The following ROBO2 variants were observed in gnomAD, a reference collection of about 807,000 sequenced individuals.
ROBO2 encodes the protein roundabout homolog 2.
Under a neutral mutation model 160.8 loss-of-function variants are expected in ROBO2, and 53 were observed. That is an observed-to-expected ratio of 0.33 (90% CI 0.26 to 0.41). The LOEUF is 0.41. Ranked by LOEUF, ROBO2 falls within the 10% of genes least tolerant of loss-of-function variation. ROBO2 has a pLI of 1.00. For missense variants in ROBO2, 1,577 were observed against 1,722.4 expected, an observed-to-expected ratio of 0.92 and a Z score of 1.49; for synonymous variants, 664 against 611.7, an observed-to-expected ratio of 1.09 and a Z score of -1.26.
intron 2 of ROBO2, among the ~76,000 whole-genome samples, chr3:76,396,536 C>T (rs1233330351): frequency 6.6e-6 from 1 of 151,992 alleles, no homozygotes; most frequent in Non-Finnish European, 1.5e-5. Flanking sequence ...TCAAATTGTC[C>T]CTGTTTGCAG....
intron 2 of ROBO2, among the ~76,000 whole-genome samples, chr3:76,170,102 T>C (rs901070991): frequency 5.9e-5 from 9 of 152,082 alleles, no homozygotes; most frequent in Non-Finnish European, 1.2e-4. Context: ...TTTTAAAAAA[T>C]TTTTTACTCA....
At chr3:76,834,424 G>A (rs2067484063) in intron 2 of ROBO2, among the ~76,000 whole-genome samples, 1 of 151,900 alleles carries the variant, frequency 6.6e-6, no homozygotes, top group African/African-American at 2.4e-5. Context: ...GAGTGCAGGG[G>A]CACCATCTTG....
intron 2 of ROBO2, among the ~76,000 whole-genome samples, chr3:76,258,985 A>C (rs191906740): frequency 6.6e-5 from 10 of 152,196 alleles, no homozygotes; most frequent in African/African-American, 2.2e-4. Flanking sequence ...GTTATCATTT[A>C]GTTAAAAAGA....
At chr3:76,871,565 A>G (rs1031524168) in intron 2 of ROBO2, among the ~76,000 whole-genome samples, 7 of 151,916 alleles carry the variant, frequency 4.6e-5, no homozygotes, top group African/African-American at 7.3e-5. Context: ...AAAAAAGAAA[A>G]AAAAAGAAAA....
intron 2 of ROBO2, among the ~76,000 whole-genome samples, chr3:76,857,476 TC>T (rs1190818400): frequency 2.0e-5 from 3 of 152,202 alleles, no homozygotes; most frequent in African/African-American, 7.2e-5. Context: ...ATTATTGAAC[TC>T]AATGCATTTA....
intron 2 of ROBO2, among the ~76,000 whole-genome samples, chr3:76,936,282 C>T (rs1322430430): frequency 6.6e-6 from 1 of 151,736 alleles, no homozygotes; most frequent in African/African-American, 2.4e-5. Flanking sequence ...AGTAGCTTTC[C>T]AATAATGTGA....
At chr3:77,552,459 T>A (rs1488751939) in intron 8 of ROBO2, among the ~76,000 whole-genome samples, 1 of 152,008 alleles carries the variant, frequency 6.6e-6, no homozygotes, top group Non-Finnish European at 1.5e-5. Context: ...CAGGTGGATA[T>A]TCAGAATTAC....
intron 2 of ROBO2, among the ~76,000 whole-genome samples, chr3:76,246,457 C>G (rs1705627070): frequency 6.6e-6 from 1 of 152,116 alleles, no homozygotes; most frequent in East Asian, 1.9e-4. Flanking sequence ...ATTAGTTACT[C>G]AGCATTTTCT....
At chr3:75,917,202 C>A (rs535033675) in intron 1 of ROBO2, among the ~76,000 whole-genome samples, 119 of 152,194 alleles carry the variant, frequency 7.8e-4, no homozygotes, top group African/African-American at 2.5e-3. Context: ...CCCCACCCAC[C>A]GACAGGCCCC....
At chr3:76,493,632 G>A (rs550900242) in intron 2 of ROBO2, among the ~76,000 whole-genome samples, 66 of 151,934 alleles carry the variant, frequency 4.3e-4, no homozygotes, top group Non-Finnish European at 8.1e-4. Context: ...GAAGCCTTCA[G>A]TTTTTCTTGA....
At chr3:76,964,640 T>A (rs1308954088) in intron 2 of ROBO2, among the ~76,000 whole-genome samples, 2 of 152,210 alleles carry the variant, frequency 1.3e-5, no homozygotes, top group Admixed American at 1.3e-4. Context: ...TTGCCTAAGT[T>A]GTTAGCGAAG....
At chr3:76,006,455 A>T (rs142070796) in intron 2 of ROBO2, among the ~76,000 whole-genome samples, 1 of 152,258 alleles carries the variant, frequency 6.6e-6, no homozygotes, top group East Asian at 1.9e-4. Flanking sequence ...GTGTGATGAG[A>T]TCAGCATTCG....
intron 2 of ROBO2, among the ~76,000 whole-genome samples, chr3:76,181,491 A>G (rs1701500782): frequency 6.6e-6 from 1 of 152,132 alleles, no homozygotes; most frequent in Admixed American, 6.6e-5. Context: ...ACTGACTTCC[A>G]TGCTTTAAAA....
intron 2 of ROBO2, among the ~76,000 whole-genome samples, chr3:76,591,336 G>A (rs984270977): frequency 2.6e-5 from 4 of 152,050 alleles, no homozygotes; most frequent in Non-Finnish European, 5.9e-5. Context: ...GGAAAGATTG[G>A]TCTTGCTCTC....
chr3:76,600,073 T>G (rs1052668498), intron 2 of ROBO2, among the ~76,000 whole-genome samples: 1 of 152,244 alleles, frequency 6.6e-6, no homozygotes, highest in African/African-American at 2.4e-5. Flanking sequence ...TGATTTTTGC[T>G]TTTGTTGCAA....
chr3:77,550,736 T>C, intron 7 of ROBO2, 82 bp from the exon 9 acceptor site: 2 of 1,395,750 alleles, frequency 1.4e-6, no homozygotes, highest in African/African-American at 2.8e-5. Flanking sequence ...TCCCACTGTA[T>C]TCCTTAATTG....
rs142945798 is a variant in ROBO2, at chr3:76,284,893, C to T, written c.109+347291C>T. On this transcript the variant is annotated intron_variant, in intron 2 of 26. Coordinates refer to the ROBO2 transcript ENST00000487694. ...GAGGGTCTTAAACTCTTTCAAGCCA[C>T]ATCAGATCACAATCCAATCTCATTG... Among the ~76,000 whole-genome samples, 242 of 152,256 alleles carry T rather than the reference C, an allele frequency of 1.6e-3. 1 individual carries two copies. The highest frequency in any genetic ancestry group is 5.1e-3 in the African/African-American group (212 of 41,562).
chr3:76,252,064 C>T (rs1041610445), intron 2 of ROBO2, among the ~76,000 whole-genome samples: 2 of 151,848 alleles, frequency 1.3e-5, no homozygotes, highest in African/African-American at 4.8e-5. Context: ...GAAATGTCAC[C>T]CACAGGTAGA....
chr3:77,050,826 T>C (rs1051791292), intron 1 of ROBO2, among the ~76,000 whole-genome samples: 1 of 149,958 alleles, frequency 6.7e-6, no homozygotes, highest in African/African-American at 2.5e-5. Flanking sequence ...CTGGGCAACA[T>C]GGTGAAACCC....
Sources: gnomAD v4.1 joint callset for allele counts (sites outside exome capture counted in the v4.1 genomes callset) on GRCh38, gnomAD v4.1.1 for gene constraint, MANE v1.5 for transcripts, NCBI Gene and HGNC (gene_info 2026-07-23, HGNC 2026-07-21) for gene names.